CNTNAP2: variants seen among roughly 807,000 people sequenced by gnomAD.
CNTNAP2 encodes the protein contactin associated protein 2.
Under a neutral mutation model 155.2 loss-of-function variants are expected in CNTNAP2, and 98 were observed. The observed-to-expected ratio is 0.63, with a 90% confidence interval of 0.54 to 0.75. The LOEUF is 0.75. Among genes scored for constraint, CNTNAP2 ranks in the 30% least tolerant of loss-of-function variants. CNTNAP2 has a pLI of 0.00. For synonymous variants in CNTNAP2, 651 were observed against 631.2 expected, an observed-to-expected ratio of 1.03 and a Z score of -0.47; for missense variants, 1,727 against 1,688.1, an observed-to-expected ratio of 1.02 and a Z score of -0.40.
At chr7:148,153,676 A>T (rs1805348364) in intron 17 of CNTNAP2, among the ~76,000 whole-genome samples, 1 of 152,222 alleles carries the variant, frequency 6.6e-6, no homozygotes, top group African/African-American at 2.4e-5. Context: ...TGGATTGAGC[A>T]AAGCCAGCTT....
At chr7:147,538,009 A>C (rs1799577082) in intron 11 of CNTNAP2, among the ~76,000 whole-genome samples, 1 of 152,040 alleles carries the variant, frequency 6.6e-6, no homozygotes, top group East Asian at 1.9e-4. Flanking sequence ...CAGACCACTA[A>C]AAATCTCCCA....
At chr7:147,541,842 GC>G in intron 11 of CNTNAP2, among the ~76,000 whole-genome samples, 1 of 152,226 alleles carries the variant, frequency 6.6e-6, no homozygotes, top group East Asian at 1.9e-4. Flanking sequence ...TTATATATGT[GC>G]CCCACTTAAT....
At chr7:147,331,836 T>C (rs1006201692) in intron 9 of CNTNAP2, among the ~76,000 whole-genome samples, 2 of 152,190 alleles carry the variant, frequency 1.3e-5, no homozygotes, top group Non-Finnish European at 2.9e-5. Flanking sequence ...AACTAACCAA[T>C]GATCAGTTCT....
chr7:147,873,490 C>T (rs931812460), intron 13 of CNTNAP2, among the ~76,000 whole-genome samples: 9 of 152,142 alleles, frequency 5.9e-5, no homozygotes, highest in Non-Finnish European at 8.8e-5. Flanking sequence ...ATAAAACCAG[C>T]CAATCTTGTG....
chr7:147,377,084 T>A (rs1796447538), intron 9 of CNTNAP2, among the ~76,000 whole-genome samples: 1 of 151,908 alleles, frequency 6.6e-6, no homozygotes, highest in African/African-American at 2.4e-5. Context: ...CTTAATATAT[T>A]TCTACCATCT....
At chr7:147,570,472 T>C (rs182430844) in intron 12 of CNTNAP2, among the ~76,000 whole-genome samples, 1 of 152,320 alleles carries the variant, frequency 6.6e-6, no homozygotes, top group Admixed American at 6.5e-5. Flanking sequence ...TGTAAAAACT[T>C]TGACAATAAA....
At chr7:147,866,842 C>T (rs770561166) in intron 13 of CNTNAP2, among the ~76,000 whole-genome samples, 19 of 151,804 alleles carry the variant, frequency 1.3e-4, no homozygotes, top group Admixed American at 5.3e-4. Context: ...CTATGTACGT[C>T]TTTGCATGTG....
chr7:147,409,457 A>C (rs977029186), intron 10 of CNTNAP2, among the ~76,000 whole-genome samples: 1 of 152,234 alleles, frequency 6.6e-6, no homozygotes, highest in Non-Finnish European at 1.5e-5. Context: ...TTTGCAATAC[A>C]ACATATGCAG....
At chr7:146,821,317 T>C (rs936924612) in intron 2 of CNTNAP2, among the ~76,000 whole-genome samples, 24 of 152,214 alleles carry the variant, frequency 1.6e-4, no homozygotes, top group African/African-American at 3.4e-4. Flanking sequence ...TGTTCCTTTC[T>C]ATGCTTAGTG....
intron 3 of CNTNAP2, among the ~76,000 whole-genome samples, chr7:146,904,298 T>C (rs1385355103): frequency 1.3e-5 from 2 of 152,086 alleles, no homozygotes; most frequent in African/African-American, 4.8e-5. Context: ...CCTTTTCAGA[T>C]AGAACATCCC....
intron 8 of CNTNAP2, among the ~76,000 whole-genome samples, chr7:147,144,301 G>T (rs961736728): frequency 1.3e-5 from 2 of 152,124 alleles, no homozygotes; most frequent in Non-Finnish European, 2.9e-5. Flanking sequence ...GTGTGGACAC[G>T]GAGAAGTAAA....
At chr7:147,317,190 G>A (rs1795247705) in intron 9 of CNTNAP2, among the ~76,000 whole-genome samples, 1 of 152,160 alleles carries the variant, frequency 6.6e-6, no homozygotes, top group African/African-American at 2.4e-5. Flanking sequence ...TCTCTCTGCA[G>A]GACTGCTTAA....
intron 6 of CNTNAP2, among the ~76,000 whole-genome samples, chr7:147,127,662 A>G (rs1415168538): frequency 6.6e-6 from 1 of 152,162 alleles, no homozygotes; most frequent in Non-Finnish European, 1.5e-5. Context: ...CCCAATCCCT[A>G]ATGTAACTAA....
chr7:146,568,319 G>A (rs995180627), intron 1 of CNTNAP2, among the ~76,000 whole-genome samples: 1 of 152,310 alleles, frequency 6.6e-6, no homozygotes. Flanking sequence ...ATCTCTGGCT[G>A]TGTTCTTGTC....
chr7:146,544,915 C>T (rs143908218), intron 1 of CNTNAP2, among the ~76,000 whole-genome samples: 4 of 151,958 alleles, frequency 2.6e-5, no homozygotes, highest in Middle Eastern at 6.8e-3. Flanking sequence ...ACTAGAGGAC[C>T]TGCCATCTGG....
chr7:146,276,682 C>T (rs1441664682), intron 1 of CNTNAP2, among the ~76,000 whole-genome samples: 1 of 152,156 alleles, frequency 6.6e-6, no homozygotes, highest in African/African-American at 2.4e-5. Flanking sequence ...TGAGCCTCAG[C>T]AGCCATGTTA....
At chr7:147,729,751 A>C (rs1796708705) in intron 13 of CNTNAP2, among the ~76,000 whole-genome samples, 1 of 152,096 alleles carries the variant, frequency 6.6e-6, no homozygotes. Flanking sequence ...TACTTCAGGC[A>C]GTAGAAAACC....
At position 148,147,628 on chromosome 7, in the gene CNTNAP2, G is replaced by A. The variant is rs998064669; in HGVS notation, c.2692G>A (p.Val898Met). The A allele has an allele frequency of 6.2e-7, 1 of 1,614,110 alleles. No individual in the cohort carries two copies. The highest frequency in any genetic ancestry group is 8.5e-7 in the Non-Finnish European group (1 of 1,180,040). ...GAATGTCAAGCAGGCCAGCCTACAG[G>A]TGGACCGGCTACCGCAGCAGATCCG... ...ERNVKQASLQ[V>M]DRLPQQIRKA... The change falls in exon 17 of 24, where the codon GTG becomes ATG. Residue 898 changes from valine (V) to methionine (M), a missense_variant. Physicochemically the swap from Val to Met is conservative, Grantham distance 21 (BLOSUM62 1). Transcript: ENST00000361727.
intron 14 of CNTNAP2, among the ~76,000 whole-genome samples, chr7:147,939,096 G>A (rs1040627738): frequency 1.3e-5 from 2 of 152,014 alleles, no homozygotes; most frequent in East Asian, 3.9e-4. Flanking sequence ...ATGTATGTAC[G>A]ATGACTCACT....
Sources: gnomAD v4.1 joint callset for allele counts (sites outside exome capture counted in the v4.1 genomes callset) on GRCh38, gnomAD v4.1.1 for gene constraint, MANE v1.5 for transcripts, NCBI Gene and HGNC (gene_info 2026-07-23, HGNC 2026-07-21) for gene names.